ICE1: variants seen among roughly 807,000 people sequenced by gnomAD.
ICE1 encodes the protein interactor of little elongation complex ELL subunit 1.
Under a neutral mutation model 192.7 loss-of-function variants are expected in ICE1, and 64 were observed. That is an observed-to-expected ratio of 0.33 (90% CI 0.27 to 0.41). The LOEUF (loss-of-function observed/expected upper bound fraction) is 0.41, where lower values mean the gene tolerates loss of function less well. ICE1 is among the 10% of genes least tolerant of loss of function. ICE1 has a pLI of 1.00. For missense variants in ICE1, 2,708 were observed against 2,696.0 expected, an observed-to-expected ratio of 1.00 and a Z score of -0.10; for synonymous variants, 1,010 against 984.5, an observed-to-expected ratio of 1.03 and a Z score of -0.49.
rs192703741 is a variant in ICE1, at chr5:5,470,920, A to G, written c.6222+1932A>G. Reference sequence around the variant, plus strand: ...AATATCTCTAGCTTTTTTGGAAAACATGTACTCATTAAAGTATCTTAAATG... The same window carrying G: ...AATATCTCTAGCTTTTTTGGAAAACGTGTACTCATTAAAGTATCTTAAATG... On this transcript the variant is annotated intron_variant, in intron 15 of 18. Transcript: ENST00000296564. Among the ~76,000 whole-genome samples the G allele has an allele frequency of 2.6e-3, 351 of 134,102 alleles. 1 individual carries two copies. The highest frequency in any genetic ancestry group is 7.3e-3 in the Middle Eastern group (2 of 274). The allele number at this position is 134,102 out of a possible 152,430, so 88.0% of individuals were successfully genotyped here.
At chr5:5,481,259 A>AT (rs1038899175) in intron 17 of ICE1, among the ~76,000 whole-genome samples, 48 of 152,210 alleles carry the variant, frequency 3.2e-4, no homozygotes, top group African/African-American at 1.1e-3. Flanking sequence ...ACAATATGGT[A>AT]TTTTTTTAAG....
At chr5:5,437,216 G>C (rs994013409) in intron 3 of ICE1, 102 bp downstream of exon 3, 20 of 823,034 alleles carry the variant, frequency 2.4e-5, no homozygotes, top group Non-Finnish European at 3.8e-5. Flanking sequence ...CTGGAAGATA[G>C]TACTTAACAG....
intron 4 of ICE1, 123 bp downstream of exon 4, chr5:5,440,036 AT>A (rs1420448820): frequency 9.5e-6 from 5 of 525,682 alleles, no homozygotes; most frequent in Non-Finnish European, 1.7e-5. Flanking sequence ...TACTCATAAT[AT>A]AGAATGCTGC....
At chr5:5,429,449 C>T (rs1490514921) in intron 1 of ICE1, among the ~76,000 whole-genome samples, 1 of 152,144 alleles carries the variant, frequency 6.6e-6, no homozygotes, top group Non-Finnish European at 1.5e-5. Flanking sequence ...TGCACACACA[C>T]CTTGGAGCTT....
At position 5,463,105 on chromosome 5, in the gene ICE1, A is replaced by T. The variant is rs1738851937; in HGVS notation, c.3771A>T (p.Glu1257Asp). 2 of 1,613,048 alleles carry T rather than the reference A, an allele frequency of 1.2e-6. No homozygotes were observed. Among genetic ancestry groups the T allele is most frequent in the Non-Finnish European group, 1.7e-6 (2 of 1,179,568 alleles). ...NTSQLTQCSL[E>D]TLSEVLTKIR... is the part of the protein sequence containing the mutation. ...GTCAGCTCACTCAGTGTTCTTTGGA[A>T]ACTCTGTCTGAGGTTCTGACCAAGA... Residue 1257 changes from glutamate (E) to aspartate (D), a missense_variant, in exon 13 of 19, where the codon GAA becomes GAT. Transcript: ENST00000296564.
Position 5,464,816 on chromosome 5 carries a change from CA to C in ICE1, c.5483del (p.Gln1828ArgfsTer15). 6.2e-7 allele frequency: 1 copy of C among 1,613,560 alleles called. No individual in the cohort carries two copies. The highest frequency in any genetic ancestry group is 8.5e-7 in the Non-Finnish European group (1 of 1,179,686). Reference sequence around the variant, plus strand: ...AGACAAGTCAAGAGATTTGGGGACTCAGCAGGATTCAAGCGGGAAAAGAACA... The same window carrying C: ...AGACAAGTCAAGAGATTTGGGGACTCGCAGGATTCAAGCGGGAAAAGAACA... ...NQDKSRDLGT[Q>X]QDSSGKRTLS... On this transcript the variant is annotated frameshift_variant, in exon 13 of 19. Transcript: ENST00000296564. LOFTEE classifies it high-confidence loss of function. The surrounding 1 kb of genome is among the most constrained non-coding windows in gnomAD (Gnocchi z 4.0).
chr5:5,437,434 CTG>C (rs998460585), intron 3 of ICE1: 4 of 230,148 alleles, frequency 1.7e-5, no homozygotes, highest in Admixed American at 5.3e-5. Context: ...TAATGTGAAA[CTG>C]AATGTGATAC....
chr5:5,489,111 T>C lies in ICE1; in HGVS notation c.6620-38T>C, dbSNP rs1018633934. The stretch of plus-strand genomic sequence containing the variant: ...TCACTAAAATTTTGAATAACAGATA[T>C]TTTCTTGTTTTATGACTGATCTGAA... On this transcript the variant is annotated intron_variant, in intron 18 of 18. Transcript: ENST00000296564. 9.5e-6 allele frequency: 15 copies of C among 1,582,262 alleles called. 1 individual carries two copies. In the Middle Eastern group the frequency reaches 5.0e-4, roughly 53 times the overall value.
At chr5:5,446,467 T>G (rs1027441754) in intron 7 of ICE1, among the ~76,000 whole-genome samples, 5 of 150,382 alleles carry the variant, frequency 3.3e-5, no homozygotes, top group Non-Finnish European at 7.4e-5. Flanking sequence ...TTTCGACTAA[T>G]TTTTGTAGAG....
At chr5:5,423,027 C>T (rs1579528504) in intron 1 of ICE1, 28 bp downstream of exon 1, 4 of 1,313,606 alleles carry the variant, frequency 3.0e-6, no homozygotes, top group African/African-American at 3.1e-5. Context: ...GCCCCGGGCG[C>T]GGGGGGGGAC....
intron 5 of ICE1, among the ~76,000 whole-genome samples, chr5:5,442,932 A>G (rs1417424138): frequency 6.6e-6 from 1 of 152,246 alleles, no homozygotes; most frequent in East Asian, 1.9e-4. Context: ...ATGAAGGTTT[A>G]GAATTGCAAT....
At chr5:5,459,225 A>G (rs542356209) in intron 12 of ICE1, among the ~76,000 whole-genome samples, 34 of 152,192 alleles carry the variant, frequency 2.2e-4, no homozygotes, top group Non-Finnish European at 4.1e-4. Flanking sequence ...TTGGTGTTAA[A>G]GAGGTGGGAA....
chr5:5,465,261 T>C, intron 13 of ICE1, 35 bp downstream of exon 13: 1 of 1,409,120 alleles, frequency 7.1e-7, no homozygotes, highest in Non-Finnish European at 9.6e-7. Flanking sequence ...GCATTAGGGA[T>C]TACATGTCCT....
intron 7 of ICE1, among the ~76,000 whole-genome samples, chr5:5,444,799 C>T (rs976906923): frequency 6.6e-6 from 1 of 152,168 alleles, no homozygotes; most frequent in African/African-American, 2.4e-5. Context: ...GATCCTCACC[C>T]GTGCCTCACC....
chr5:5,476,341 A>G (rs1739311249), intron 17 of ICE1, among the ~76,000 whole-genome samples: 1 of 152,224 alleles, frequency 6.6e-6, no homozygotes. Context: ...TAATACTAAT[A>G]TACATAAAGA....
chr5:5,425,288 T>C (rs1464422566), intron 1 of ICE1, among the ~76,000 whole-genome samples: 1 of 152,112 alleles, frequency 6.6e-6, no homozygotes. Context: ...TCAATAAGAG[T>C]AATCCTAGAT....
chr5:5,424,303 T>C (rs981422847), intron 1 of ICE1, among the ~76,000 whole-genome samples: 2 of 152,100 alleles, frequency 1.3e-5, no homozygotes, highest in Non-Finnish European at 2.9e-5. Context: ...ATGTGCTGCT[T>C]TTGTGAGTAG....
intron 4 of ICE1, among the ~76,000 whole-genome samples, chr5:5,440,460 GTA>G (rs2111346727): frequency 2.0e-5 from 3 of 152,292 alleles, no homozygotes; most frequent in African/African-American, 7.2e-5. Flanking sequence ...TGATTTTACT[GTA>G]AAGTATTCTT....
Position 5,447,775 on chromosome 5 carries a change from A to AATG in ICE1, c.547+16_547+18dup. The stretch of plus-strand genomic sequence containing the variant: ...AAATGAAAAGGGTGAGTATTCAGTT[A>AATG]ATGCTTACATAAATTTATTTTTGAT... On this transcript the variant is annotated intron_variant, in intron 9 of 18. Transcript: ENST00000296564. The AATG allele has an allele frequency of 6.3e-7, 1 of 1,579,646 alleles. No homozygotes were observed. The highest frequency in any genetic ancestry group is 8.6e-7 in the Non-Finnish European group (1 of 1,160,376).
Sources: allele counts gnomAD v4.1 joint callset (sites outside exome capture counted in the v4.1 genomes callset), GRCh38; gene constraint gnomAD v4.1.1; non-coding constraint Gnocchi (gnomAD v3.1); transcripts MANE v1.5; gene names NCBI Gene and HGNC (gene_info 2026-07-23, HGNC 2026-07-21).